NRXN1: variants seen among roughly 807,000 people sequenced by gnomAD.
The protein encoded by NRXN1 is neurexin-1.
In NRXN1, 39 loss-of-function variants were observed where a neutral mutation model predicts 150.9. The ratio of observed to expected loss-of-function variants is 0.26; its 90% confidence interval spans 0.20 to 0.34. NRXN1 has a LOEUF of 0.34. Ranked by LOEUF, NRXN1 falls within the 10% of genes least tolerant of loss-of-function variation. The pLI, the probability that NRXN1 is intolerant of heterozygous loss-of-function variation, is 1.00. For missense variants in NRXN1, 1,815 were observed against 1,949.9 expected, an observed-to-expected ratio of 0.93 and a Z score of 1.30; for synonymous variants, 924 against 757.0, an observed-to-expected ratio of 1.22 and a Z score of -3.62.
intron 5 of NRXN1, among the ~76,000 whole-genome samples, chr2:50,910,724 A>G (rs955578092): frequency 1.3e-5 from 2 of 152,030 alleles, no homozygotes; most frequent in Non-Finnish European, 2.9e-5. Context: ...TGTTCCTAAA[A>G]AAAGAATAAT....
At chr2:49,973,781 T>A (rs1193008307) in intron 21 of NRXN1, 2 of 569,924 alleles carry the variant, frequency 3.5e-6, no homozygotes, top group Non-Finnish European at 6.2e-6. Flanking sequence ...ACATTTCACA[T>A]ACAGCGTGCA....
chr2:50,249,381 G>A (rs986955569), intron 17 of NRXN1, among the ~76,000 whole-genome samples: 1 of 151,890 alleles, frequency 6.6e-6, no homozygotes, highest in Non-Finnish European at 1.5e-5. Context: ...GGGGCATTTT[G>A]ACACAAACAA....
chr2:50,587,703 C>T (rs1051632186), intron 8 of NRXN1, among the ~76,000 whole-genome samples: 3 of 151,668 alleles, frequency 2.0e-5, no homozygotes, highest in Non-Finnish European at 4.4e-5. Context: ...AGATTAATTT[C>T]AAAAGTAAAT....
chr2:50,176,701 T>C (rs1024574858), intron 18 of NRXN1, among the ~76,000 whole-genome samples: 1 of 152,146 alleles, frequency 6.6e-6, no homozygotes, highest in Admixed American at 6.6e-5. Flanking sequence ...CTAAAGGTAT[T>C]TTTATTCACC....
intron 22 of NRXN1, among the ~76,000 whole-genome samples, chr2:49,934,724 T>C (rs139931290): frequency 1.6e-4 from 25 of 152,266 alleles, no homozygotes; most frequent in East Asian, 1.2e-3. Context: ...GGAGTATTCC[T>C]GAGTGTCTTA....
intron 19 of NRXN1, among the ~76,000 whole-genome samples, chr2:50,079,943 G>A (rs920961057): frequency 5.3e-5 from 8 of 151,958 alleles, no homozygotes; most frequent in African/African-American, 1.9e-4. Flanking sequence ...ATATTAAATG[G>A]AAAATTTTAG....
At chr2:50,061,894 G>T (rs1371872559) in intron 19 of NRXN1, among the ~76,000 whole-genome samples, 2 of 152,082 alleles carry the variant, frequency 1.3e-5, no homozygotes, top group Admixed American at 1.3e-4. Context: ...TGTAAAATTT[G>T]GTTTTATTTT....
chr2:50,335,448 A>G (rs1235674060), intron 17 of NRXN1, among the ~76,000 whole-genome samples: 1 of 152,048 alleles, frequency 6.6e-6, no homozygotes, highest in Non-Finnish European at 1.5e-5. Flanking sequence ...GTTTGCTGAC[A>G]TTTTCAGAGT....
Position 50,893,830 on chromosome 2 carries a change from C to T in NRXN1, c.832+28039G>A, listed in dbSNP as rs901218542. Among the ~76,000 whole-genome samples, 4 of 152,066 alleles carry T rather than the reference C, an allele frequency of 2.6e-5. No homozygotes were observed. The South Asian group carries it at 8.3e-4, about 32-fold the overall frequency. On this transcript the variant is annotated intron_variant, in intron 5 of 22. Transcript: ENST00000401669. Reference sequence around the variant, plus strand: ...AACTTGACTCATTGTTCAATTTCCACCTATGAGTGAGAATATGCGGTGTTT... The same window carrying T: ...AACTTGACTCATTGTTCAATTTCCATCTATGAGTGAGAATATGCGGTGTTT...
intron 5 of NRXN1, among the ~76,000 whole-genome samples, chr2:50,911,672 TTTCC>T (rs1202154358): frequency 3.4e-4 from 51 of 152,094 alleles, no homozygotes; most frequent in Non-Finnish European, 1.6e-4. Context: ...CTGTTTAGCT[TTTCC>T]TTGTCTGGAT....
At chr2:50,749,285 T>C (rs1700331382) in intron 5 of NRXN1, among the ~76,000 whole-genome samples, 1 of 152,146 alleles carries the variant, frequency 6.6e-6, no homozygotes, top group Admixed American at 6.5e-5. Flanking sequence ...AGATGTGGCA[T>C]GATAATCTAT....
intron 5 of NRXN1, among the ~76,000 whole-genome samples, chr2:50,872,885 C>A (rs1678001183): frequency 6.6e-6 from 1 of 151,776 alleles, no homozygotes; most frequent in Non-Finnish European, 1.5e-5. Context: ...ACACGGTCAA[C>A]AATCAAAACT....
chr2:50,715,203 C>A lies in NRXN1; in HGVS notation c.833-91588G>T, dbSNP rs566280316. Among the ~76,000 whole-genome samples the A allele has an allele frequency of 3.9e-5, 6 of 152,252 alleles. No homozygotes were observed. In the South Asian group the frequency reaches 1.0e-3, roughly 26 times the overall value. ...ATTTTTAACACTATACAGGAAATAG[C>A]ACCTCACATATATGTCAGTTTCAGT... On this transcript the variant is annotated intron_variant, in intron 5 of 22. Transcript: ENST00000401669.
intron 5 of NRXN1, among the ~76,000 whole-genome samples, chr2:50,869,767 C>G (rs1453511876): frequency 1.3e-5 from 2 of 151,738 alleles, no homozygotes; most frequent in Non-Finnish European, 2.9e-5. Context: ...TCCTTGTGTC[C>G]ACCAAAACCC....
At chr2:50,719,465 A>G (rs936860789) in intron 5 of NRXN1, among the ~76,000 whole-genome samples, 4 of 152,130 alleles carry the variant, frequency 2.6e-5, no homozygotes, top group Non-Finnish European at 5.9e-5. Context: ...TCATGAGGTC[A>G]GGAGTTCGAG....
chr2:50,785,171 G>A (rs1334583569), intron 5 of NRXN1, among the ~76,000 whole-genome samples: 4 of 151,866 alleles, frequency 2.6e-5, no homozygotes, highest in Non-Finnish European at 4.4e-5. Context: ...CAGGAAAAGC[G>A]GCCTAGCCAG....
chr2:50,847,351 G>A (rs966488193), intron 5 of NRXN1, among the ~76,000 whole-genome samples: 7 of 152,124 alleles, frequency 4.6e-5, no homozygotes, highest in African/African-American at 9.7e-5. Context: ...TATATCATCC[G>A]TCAAGGTCAG....
At chr2:50,812,314 A>C (rs1180886332) in intron 5 of NRXN1, among the ~76,000 whole-genome samples, 1 of 152,222 alleles carries the variant, frequency 6.6e-6, no homozygotes, top group Non-Finnish European at 1.5e-5. Context: ...ACATGGAAAT[A>C]ATATCTTTGC....
At chr2:50,389,562 C>T (rs983419540) in intron 17 of NRXN1, among the ~76,000 whole-genome samples, 2 of 151,930 alleles carry the variant, frequency 1.3e-5, no homozygotes, top group Non-Finnish European at 2.9e-5. Context: ...TCTCTCTTCT[C>T]TTATCTATGT....
Sources: gnomAD v4.1 joint callset for allele counts (sites outside exome capture counted in the v4.1 genomes callset) on GRCh38, gnomAD v4.1.1 for gene constraint, MANE v1.5 for transcripts, NCBI Gene and HGNC (gene_info 2026-07-23, HGNC 2026-07-21) for gene names.